Variants in ZNF550 observed in about 807,000 individuals in gnomAD.
ZNF550 encodes the protein zinc finger protein 550.
A neutral mutation model predicts 40.2 loss-of-function variants in ZNF550; 42 were observed. That is an observed-to-expected ratio of 1.05 (90% CI 0.82 to 1.35). The LOEUF (loss-of-function observed/expected upper bound fraction) is 1.35, where lower values mean the gene tolerates loss of function less well. ZNF550 is among the 40% of genes most tolerant of loss of function. ZNF550 has a pLI of 0.00. For synonymous variants in ZNF550, 223 were observed against 198.6 expected (o/e 1.12, Z -1.03); for missense variants, 549 against 525.2 (o/e 1.05, Z -0.44).
At chr19:57,543,290 T>G (rs936501686) in intron 4 of ZNF550, 1 of 723,436 alleles carries the variant, frequency 1.4e-6, no homozygotes, top group Admixed American at 6.3e-5. Context: ...TTTCCACATG[T>G]GCATGAAGTT....
intron 3 of ZNF550, chr19:57,552,364 T>G (rs2090079637): frequency 8.4e-6 from 4 of 477,692 alleles, no homozygotes; most frequent in Non-Finnish European, 1.5e-5. Flanking sequence ...TCTCCCCTTC[T>G]TCTTGTTCCC....
In ZNF550 at chr19:57,547,732, C is replaced by G. The variant is rs752205800; in HGVS notation, c.512G>C (p.Arg171Thr). 27 of 1,614,132 alleles carry G rather than the reference C, an allele frequency of 1.7e-5. No homozygotes were observed. The African/African-American group carries it at 3.1e-4, about 18-fold the overall frequency. ...TGCTGATAACCACTCTTGTAATGCCCTGGAGTGCAGACCATCATCTGTCCC... is the reference window on the plus strand; with the variant it reads ...TGCTGATAACCACTCTTGTAATGCCGTGGAGTGCAGACCATCATCTGTCCC... Residue 171 changes from arginine (R) to threonine (T), a missense_variant, in exon 4 of 5, where the codon AGG becomes ACG. Coordinates refer to ENST00000457177, the Ensembl canonical transcript of ZNF550.
intron 2 of ZNF550, chr19:57,553,219 A>G (rs2123359611): frequency 6.5e-6 from 1 of 152,752 alleles, no homozygotes; most frequent in African/African-American, 2.4e-5. Context: ...ATGACATTTT[A>G]TTATGGCAGC....
intron 4 of ZNF550, chr19:57,543,582 G>A: frequency 2.0e-6 from 2 of 982,076 alleles, no homozygotes; most frequent in Non-Finnish European, 2.4e-6. Context: ...TAAGAGCATA[G>A]TGCTTTTTAT....
At chr19:57,546,655 T>G (rs937451314) in exon 4 of ZNF550, 2 of 1,093,874 alleles carry the variant, frequency 1.8e-6, no homozygotes, top group South Asian at 7.4e-5. Context: ...TTAATAGTTA[T>G]ATTTGGAATG....
Position 57,547,477 on chromosome 19 carries a change from TC to T in ZNF550, c.766del (p.Glu256ArgfsTer75), listed in dbSNP as rs749446431. 6.2e-7 allele frequency: 1 copy of T among 1,614,134 alleles called. No homozygotes were observed. Among genetic ancestry groups the T allele is most frequent in the Non-Finnish European group, 8.5e-7 (1 of 1,180,020 alleles). On this transcript the variant is annotated frameshift_variant, in exon 4 of 5. Transcript: ENST00000457177. LOFTEE classifies it high-confidence loss of function. ...ACACTCAAGGCACTTGTATGGTTTC[TC>T]CCCGGTGTGGATGAGGTAGTGCCGA...
exon 4 of ZNF550, chr19:57,547,543 T>C (rs200038572): frequency 4.3e-6 from 7 of 1,613,970 alleles, no homozygotes; most frequent in Non-Finnish European, 5.9e-6. Context: ...CCCACATGCA[T>C]TGCATTCATA....
exon 4 of ZNF550, chr19:57,547,506 G>A (rs765146367): frequency 1.3e-4 from 212 of 1,613,810 alleles, no homozygotes; most frequent in Non-Finnish European, 1.6e-4. Context: ...AGTGCCGAAT[G>A]AGAGTTGAGC....
At chr19:57,546,395 C>T in intron 4 of ZNF550, 1 of 778,864 alleles carries the variant, frequency 1.3e-6, no homozygotes, top group Non-Finnish European at 1.6e-6. Context: ...CAAACATTCC[C>T]CTACCAAAAA....
intron 2 of ZNF550, chr19:57,555,886 G>A (rs1443253815): frequency 3.3e-6 from 1 of 306,776 alleles, no homozygotes; most frequent in Non-Finnish European, 6.3e-6. Context: ...AATGTCTTCT[G>A]GGGGGCTGCC....
chr19:57,544,473 G>A (rs2089990390), intron 4 of ZNF550: 2 of 985,410 alleles, frequency 2.0e-6, no homozygotes, highest in Middle Eastern at 5.2e-4. Context: ...TTAGGTACAA[G>A]TACAGCCACA....
exon 4 of ZNF550, chr19:57,547,716 C>G: frequency 6.2e-7 from 1 of 1,614,176 alleles, no homozygotes; most frequent in Non-Finnish European, 8.5e-7. Flanking sequence ...CTGCTGATAA[C>G]CACTCTTGTA....
rs761566110 is a variant in ZNF550, at chr19:57,557,705, G to A, written c.28-1348C>T. ...TAGAGGGGCAGGCACCCTTCACTAA[G>A]TCCTCTGGTCCTCACTGTGTCCCTG... On this transcript the variant is annotated intron_variant, in intron 1 of 4. Transcript: ENST00000457177. Among the ~76,000 whole-genome samples, 121 of 152,130 alleles carry A rather than the reference G, an allele frequency of 8.0e-4. 1 individual carries two copies. Among genetic ancestry groups the A allele is most frequent in the Admixed American group, 1.6e-3 (24 of 15,284 alleles).
At chr19:57,543,501 T>A in intron 4 of ZNF550, 6 of 555,546 alleles carry the variant, frequency 1.1e-5, no homozygotes, top group Non-Finnish European at 1.4e-5. Context: ...ATTTACTGAT[T>A]GAAGTGCACC....
exon 4 of ZNF550, chr19:57,547,836 C>G: frequency 6.2e-7 from 1 of 1,614,134 alleles, no homozygotes; most frequent in Non-Finnish European, 8.5e-7. Context: ...CTTTACCTTT[C>G]TGCATTTCCA....
Position 57,549,561 on chromosome 19 carries a change from A to G in ZNF550, c.251-1568T>C, listed in dbSNP as rs550997920. On this transcript the variant is annotated intron_variant, in intron 3 of 4. Coordinates refer to ENST00000457177, the Ensembl canonical transcript of ZNF550. ...GAGATCATGGAAGGCTTTCTAGAGGAGGTGTCCCATAAGCTGAGTCCTAAA... is the reference window on the plus strand; with the variant it reads ...GAGATCATGGAAGGCTTTCTAGAGGGGGTGTCCCATAAGCTGAGTCCTAAA... Among the ~76,000 whole-genome samples the G allele has an allele frequency of 3.3e-5, 5 of 152,296 alleles. No individual in the cohort carries two copies. In the East Asian group the frequency reaches 9.7e-4, roughly 29 times the overall value.
intron 3 of ZNF550, among the ~76,000 whole-genome samples, chr19:57,550,934 G>A (rs2090066946): frequency 6.6e-6 from 1 of 152,162 alleles, no homozygotes; most frequent in African/African-American, 2.4e-5. Flanking sequence ...AAAGCATTTT[G>A]TCTGTTTTCG....
At chr19:57,559,284 A>G (rs1210822110) in intron 1 of ZNF550, among the ~76,000 whole-genome samples, 2 of 152,018 alleles carry the variant, frequency 1.3e-5, no homozygotes, top group African/African-American at 4.8e-5. Flanking sequence ...AAGAGTAAAT[A>G]TTTCTACTTT....
chr19:57,546,243 T>C (rs1307030447), intron 4 of ZNF550, among the ~76,000 whole-genome samples: 2 of 151,946 alleles, frequency 1.3e-5, no homozygotes, highest in Admixed American at 6.6e-5. Context: ...ACTCTCCTCA[T>C]GGATATCCTC....
Sources: allele counts gnomAD v4.1 joint callset (sites outside exome capture counted in the v4.1 genomes callset), GRCh38; gene constraint gnomAD v4.1.1; transcripts MANE v1.5; gene names NCBI Gene and HGNC (gene_info 2026-07-23, HGNC 2026-07-21).